PTPRN2: variants seen among roughly 807,000 people sequenced by gnomAD.
The protein encoded by PTPRN2 is protein tyrosine phosphatase receptor type N2.
PTPRN2 carries 74 observed loss-of-function variants against 118.8 expected under a neutral mutation model. The observed-to-expected ratio is 0.62, with a 90% CI of 0.52 to 0.76. The LOEUF (loss-of-function observed/expected upper bound fraction) is 0.76, where lower values mean the gene tolerates loss of function less well. Among genes scored for constraint, PTPRN2 ranks in the 30% least tolerant of loss-of-function variants. PTPRN2 has a pLI of 0.00. For missense variants in PTPRN2, 1,481 were observed against 1,394.4 expected (o/e 1.06, Z -0.99); for synonymous variants, 641 against 608.0 (o/e 1.05, Z -0.80).
intron 11 of PTPRN2, among the ~76,000 whole-genome samples, chr7:157,899,883 C>T (rs1164259950): frequency 6.6e-6 from 1 of 152,068 alleles, no homozygotes; most frequent in African/African-American, 2.4e-5. Flanking sequence ...GGGGTAGAGC[C>T]CCAGGGGAGG....
chr7:158,121,835 C>T (rs528682436), intron 9 of PTPRN2, among the ~76,000 whole-genome samples: 22 of 152,336 alleles, frequency 1.4e-4, no homozygotes, highest in Middle Eastern at 3.4e-3. Context: ...GTGACAGTGC[C>T]GGCCAGGTGG....
Position 157,763,745 on chromosome 7 carries a change from G to A in PTPRN2, c.1789-80808C>T, listed in dbSNP as rs897835067. 9.9e-5 allele frequency among the ~76,000 whole-genome samples: 15 copies of A among 152,014 alleles called. No individual in the cohort carries two copies. Among genetic ancestry groups the A allele is most frequent in the African/African-American group, 3.4e-4 (14 of 41,384 alleles). ...TCTCTTCGCAGTGCAGTCACTTGCT[G>A]GAGTCTCCTGAGGGCAGGAGAGCCC... On this transcript the variant is annotated intron_variant, in intron 12 of 22. Transcript: ENST00000389418. This position sits in a 1 kb window ranked among gnomAD's most constrained non-coding sequence, Gnocchi z 4.9.
intron 21 of PTPRN2, among the ~76,000 whole-genome samples, chr7:157,555,264 A>C (rs1027158317): frequency 1.3e-5 from 2 of 152,356 alleles, no homozygotes; most frequent in African/African-American, 2.4e-5. Context: ...TTTGTAAGAC[A>C]ACAGAGGGTT....
intron 11 of PTPRN2, among the ~76,000 whole-genome samples, chr7:158,068,442 A>AGCACCACCTTTGCACTCG (rs1179352494): frequency 6.6e-6 from 1 of 152,358 alleles, no homozygotes; most frequent in African/African-American, 2.4e-5. Context: ...GTGGGTGCCC[A>AGCACCACCTTTGCACTCG]GCACCACCTT....
chr7:157,957,444 C>T (rs1056099519), intron 11 of PTPRN2, among the ~76,000 whole-genome samples: 16 of 151,918 alleles, frequency 1.1e-4, no homozygotes, highest in African/African-American at 3.6e-4. Flanking sequence ...AGCATTATGG[C>T]CAAATAATCC....
chr7:157,970,732 A>G (rs1347390), intron 11 of PTPRN2, among the ~76,000 whole-genome samples: 118,865 of 151,158 alleles, frequency 0.79, 47,040 homozygotes, highest in African/African-American at 0.89. Flanking sequence ...TGGACAGCCC[A>G]GCAGGGGTAG....
At chr7:158,541,556 A>AC (rs1464555076) in intron 1 of PTPRN2, 1 of 1,352,146 alleles carries the variant, frequency 7.4e-7, no homozygotes, top group Non-Finnish European at 9.8e-7. Context: ...TCTTCATAGT[A>AC]GGAAAGCTGG....
intron 10 of PTPRN2, among the ~76,000 whole-genome samples, chr7:158,108,683 C>T (rs1815900192): frequency 6.6e-6 from 1 of 152,226 alleles, no homozygotes; most frequent in South Asian, 2.1e-4. Flanking sequence ...ATTTCTACTT[C>T]TAGAAACTTC....
At chr7:157,727,650 G>C (rs1262066907) in intron 12 of PTPRN2, among the ~76,000 whole-genome samples, 1 of 152,224 alleles carries the variant, frequency 6.6e-6, no homozygotes, top group South Asian at 2.1e-4. Context: ...GCTAAGAGGC[G>C]TGCACCTAAA....
Position 158,205,174 on chromosome 7 carries a change from G to T in PTPRN2, c.377C>A (p.Ala126Asp). The change falls in exon 4 of 23, where the codon GCC becomes GAC. Residue 126 changes from alanine (A) to aspartate (D), a missense_variant. Transcript: ENST00000389418. ...YLRRPEASSP[A>D]RPSKHSVGSE... is the part of the protein sequence containing the mutation. ...AACAAGCCACGTCCACACTTACCTG[G>T]CTGGGCTGGATGCTTCAGGACGCCT... is the stretch of plus-strand genomic sequence containing the variant. The T allele has an allele frequency of 6.2e-7, 1 of 1,612,708 alleles. No homozygotes were observed. Among genetic ancestry groups the T allele is most frequent in the Non-Finnish European group, 8.5e-7 (1 of 1,178,658 alleles).
intron 2 of PTPRN2, among the ~76,000 whole-genome samples, chr7:158,351,143 C>A (rs1342878159): frequency 6.6e-6 from 1 of 152,210 alleles, no homozygotes; most frequent in Non-Finnish European, 1.5e-5. Flanking sequence ...AAGGACCTCA[C>A]CGACGGCATC....
At chr7:158,132,815 ACAC>A (rs1166471032) in intron 9 of PTPRN2, among the ~76,000 whole-genome samples, 2 of 151,574 alleles carry the variant, frequency 1.3e-5, no homozygotes, top group Non-Finnish European at 2.9e-5. Context: ...GCAGATACAC[ACAC>A]ATCTACCCAA....
At chr7:158,508,192 G>A (rs1285096018) in intron 1 of PTPRN2, among the ~76,000 whole-genome samples, 1 of 143,266 alleles carries the variant, frequency 7.0e-6, no homozygotes, top group Admixed American at 6.8e-5. Flanking sequence ...GAGACCACAG[G>A]CATGGAGGTC....
intron 12 of PTPRN2, among the ~76,000 whole-genome samples, chr7:157,892,064 G>A (rs534899119): frequency 4.1e-4 from 63 of 151,950 alleles, no homozygotes; most frequent in African/African-American, 1.3e-3. Flanking sequence ...CTATCACGAC[G>A]CTTAGAAGCT....
At chr7:157,668,424 C>T (rs183424051) in intron 13 of PTPRN2, among the ~76,000 whole-genome samples, 8 of 152,310 alleles carry the variant, frequency 5.3e-5, no homozygotes, top group South Asian at 2.1e-4. Context: ...GCCGTGTTGC[C>T]CGAGTGTGCG....
intron 1 of PTPRN2, among the ~76,000 whole-genome samples, chr7:158,511,781 G>C (rs1409394935): frequency 6.6e-6 from 1 of 152,242 alleles, no homozygotes; most frequent in Non-Finnish European, 1.5e-5. Flanking sequence ...GCCGGAAAGA[G>C]CCAGGGTTCC....
chr7:157,593,259 G>A (rs566847117), intron 17 of PTPRN2, among the ~76,000 whole-genome samples: 3 of 149,808 alleles, frequency 2.0e-5, no homozygotes, highest in East Asian at 2.0e-4. Flanking sequence ...GTTGTTGCGC[G>A]TGGACACCGA....
chr7:157,755,928 G>C (rs1172335115), intron 12 of PTPRN2, among the ~76,000 whole-genome samples: 3 of 152,202 alleles, frequency 2.0e-5, no homozygotes, highest in Admixed American at 2.0e-4. Context: ...TTGGTCACAG[G>C]CCCTTCCCAC....
intron 1 of PTPRN2, among the ~76,000 whole-genome samples, chr7:158,531,887 C>G (rs1042895479): frequency 6.6e-6 from 1 of 152,192 alleles, no homozygotes; most frequent in Non-Finnish European, 1.5e-5. Flanking sequence ...GGAAGCTGAA[C>G]GCATCACTGC....
Sources: allele counts gnomAD v4.1 joint callset (sites outside exome capture counted in the v4.1 genomes callset), GRCh38; gene constraint gnomAD v4.1.1; non-coding constraint Gnocchi (gnomAD v3.1); transcripts MANE v1.5; gene names NCBI Gene and HGNC (gene_info 2026-07-23, HGNC 2026-07-21).